The following RNF126 variants were observed in gnomAD, a reference collection of about 807,000 sequenced individuals.
RNF126 encodes the protein E3 ubiquitin-protein ligase RNF126.
A neutral mutation model predicts 41.9 loss-of-function variants in RNF126; 20 were observed. The observed-to-expected ratio is 0.48, with a 90% CI of 0.34 to 0.69. The LOEUF is 0.69. RNF126 is among the 30% of genes least tolerant of loss of function. The pLI, the probability that RNF126 is intolerant of heterozygous loss-of-function variation, is 0.01. For missense variants in RNF126, 433 were observed against 460.6 expected (o/e 0.94, Z 0.55); for synonymous variants, 239 against 202.9 (o/e 1.18, Z -1.51).
intron 7 of RNF126, 110 bp downstream of exon 7, chr19:648,772 C>G (rs1168438276): frequency 5.4e-6 from 4 of 743,678 alleles, no homozygotes; most frequent in South Asian, 1.9e-5. Context: ...AGTTCGAGAC[C>G]TGCCTGACCA....
chr19:650,557 A>G (rs2144758091), intron 4 of RNF126: 2 of 321,112 alleles, frequency 6.2e-6, no homozygotes, highest in East Asian at 5.0e-5. Flanking sequence ...AGCTGGGACC[A>G]CAGAAGAGGT....
rs768972107 is a variant in RNF126 at position 648,900 on chromosome 19, C to T, written c.652G>A (p.Val218Ile). The change falls in exon 7 of 9, where the codon GTC (valine) becomes ATC (isoleucine). Residue 218 changes from valine (V) to isoleucine (I), a missense_variant. This residue lies in a region of RNF126 where 97 missense variants were observed against 121.7 expected (regional missense o/e 0.80). Transcript: ENST00000292363. ...CTCATACCTACGTGCTCCTCAGTGA[C>T]GGGGACGGTGGGGAGGGCCTGGATT... Reference protein sequence around the residue: ...EKIQALPTVPVTEEHVGSGLE... With the variant: ...EKIQALPTVPITEEHVGSGLE... 56 of 1,427,756 alleles carry T rather than the reference C, an allele frequency of 3.9e-5. No homozygotes were observed. Among genetic ancestry groups the T allele is most frequent in the Non-Finnish European group, 4.4e-5 (48 of 1,089,008 alleles). The allele number at this position is 1,427,756 out of a possible 1,614,324, so 88.4% of individuals were successfully genotyped here. A position where few individuals can be genotyped will look rare whatever the true frequency, so the allele number is the denominator to read the frequency against.
rs1050247769 is a variant in RNF126 at position 647,560 on chromosome 19, C to T, written c.*568G>A. 5.9e-6 allele frequency: 1 copy of T among 169,420 alleles called. No homozygotes were observed. The highest frequency in any genetic ancestry group is 2.4e-5 in the African/African-American group (1 of 41,512). The allele number at this position is 169,420 out of a possible 1,614,324, so 10.5% of individuals were successfully genotyped here. On this transcript the variant is annotated 3_prime_UTR_variant, in exon 9 of 9. Transcript: ENST00000292363. Reference sequence around the variant, plus strand: ...TAAGTAGTGTATTTTAAATAGCTTTCAAGATACACATATTTTTTCCTTTAA... The same window carrying T: ...TAAGTAGTGTATTTTAAATAGCTTTTAAGATACACATATTTTTTCCTTTAA...
At chr19:656,402 C>G (rs1455678545) in intron 1 of RNF126, among the ~76,000 whole-genome samples, 1 of 152,004 alleles carries the variant, frequency 6.6e-6, no homozygotes, top group East Asian at 1.9e-4. Flanking sequence ...ACCTGTAATC[C>G]TAGCACTTTG....
chr19:659,597 C>T lies in RNF126; in HGVS notation c.75+3450G>A, dbSNP rs1271786207. On this transcript the variant is annotated intron_variant, in intron 1 of 8. Transcript: ENST00000292363. This position sits in a 1 kb window ranked among gnomAD's most constrained non-coding sequence, Gnocchi z 4.9. ...GTGCCCTCAGCAGCTCTCGCCCACA[C>T]CCTACAGTCACAGCTCCAGTCAGTG... is the stretch of plus-strand genomic sequence containing the variant. 1.3e-5 allele frequency among the ~76,000 whole-genome samples: 2 copies of T among 152,152 alleles called. No individual in the cohort carries two copies. Among genetic ancestry groups the T allele is most frequent in the Non-Finnish European group, 2.9e-5 (2 of 68,018 alleles).
Position 659,454 on chromosome 19 carries a change from T to C in RNF126, c.75+3593A>G, listed in dbSNP as rs1243756554. ...TGCGGAGGTTGCAGGCGTTCGGGGG[T>C]GGGGGGTCGGCAGGCAGAGCTGGAA... On this transcript the variant is annotated intron_variant, in intron 1 of 8. Transcript: ENST00000292363. The surrounding 1 kb of genome is among the most constrained non-coding windows in gnomAD (Gnocchi z 4.9). Among the ~76,000 whole-genome samples, 3 of 151,678 alleles carry C rather than the reference T, an allele frequency of 2.0e-5. No homozygotes were observed. The highest frequency in any genetic ancestry group is 4.4e-5 in the Non-Finnish European group (3 of 67,878).
intron 1 of RNF126, among the ~76,000 whole-genome samples, chr19:661,707 G>A (rs1006866564): frequency 6.6e-6 from 1 of 152,160 alleles, no homozygotes; most frequent in African/African-American, 2.4e-5. Flanking sequence ...CTCTACTCCC[G>A]GGGAACTGCA....
chr19:650,353 C>T, intron 4 of RNF126, 57 bp from the exon 5 acceptor site: 1 of 1,480,850 alleles, frequency 6.8e-7, no homozygotes, highest in Non-Finnish European at 9.2e-7. Flanking sequence ...GGAGAGGCGC[C>T]AGGCCTGCCA....
intron 1 of RNF126, among the ~76,000 whole-genome samples, chr19:655,835 G>A (rs2030540892): frequency 1.3e-5 from 2 of 152,092 alleles, no homozygotes; most frequent in South Asian, 2.1e-4. Flanking sequence ...GCACCTCAGA[G>A]CACGACTCAA....
chr19:658,175 C>T lies in RNF126; in HGVS notation c.75+4872G>A, dbSNP rs575589466. On this transcript the variant is annotated intron_variant, in intron 1 of 8. Transcript: ENST00000292363. ...GGCCAGGCAGCCAGGGTAGGGGGGA[C>T]CCTGCCAGTGCCGGGCTCCACCCAT... Among the ~76,000 whole-genome samples the T allele has an allele frequency of 1.4e-4, 22 of 152,264 alleles. 1 individual carries two copies. In the South Asian group the frequency reaches 4.6e-3, roughly 32 times the overall value.
At position 651,941 on chromosome 19, in the gene RNF126, G is replaced by A. The variant is rs897952813; in HGVS notation, c.199-86C>T. 5.4e-6 allele frequency: 7 copies of A among 1,289,858 alleles called. No homozygotes were observed. In the African/African-American group the frequency reaches 1.0e-4, roughly 19 times the overall value. 79.9% of individuals were successfully genotyped at this position (1,289,858 alleles called of 1,614,324 possible). A position where few individuals can be genotyped will look rare whatever the true frequency, so the allele number is the denominator to read the frequency against. On this transcript the variant is annotated intron_variant, in intron 3 of 8. Coordinates refer to ENST00000292363, the MANE Select transcript of RNF126 (RefSeq NM_194460.3). ...CTAGGGCACAAAGACAAAGGAGAAA[G>A]CAAGACGGGCCCTGCTGGGTGCCGG...
intron 1 of RNF126, among the ~76,000 whole-genome samples, chr19:653,189 G>A (rs554487683): frequency 2.4e-4 from 37 of 151,578 alleles, no homozygotes; most frequent in Non-Finnish European, 3.5e-4. Flanking sequence ...CCACCGTGAC[G>A]GGCGTCACCA....
At chr19:652,391 A>C in intron 2 of RNF126, 95 bp from the exon 3 acceptor site, 1 of 1,153,086 alleles carries the variant, frequency 8.7e-7, no homozygotes, top group Non-Finnish European at 1.2e-6. Context: ...GGAGAGCAGG[A>C]ATTGTCCTTG....
chr19:656,815 C>A (rs184220578), intron 1 of RNF126, among the ~76,000 whole-genome samples: 10 of 152,182 alleles, frequency 6.6e-5, no homozygotes, highest in Admixed American at 5.9e-4. Flanking sequence ...GGACGCCCCA[C>A]GTAAACACGC....
At chr19:658,240 C>G (rs1048213799) in intron 1 of RNF126, among the ~76,000 whole-genome samples, 3 of 152,134 alleles carry the variant, frequency 2.0e-5, no homozygotes, top group African/African-American at 7.2e-5. Context: ...CGGGTGGGAC[C>G]TGGCAGGGCA....
intron 1 of RNF126, among the ~76,000 whole-genome samples, chr19:660,434 G>A (rs1280144635): frequency 6.6e-6 from 1 of 152,232 alleles, no homozygotes; most frequent in Non-Finnish European, 1.5e-5. Context: ...GTCAGAGGCA[G>A]GCAGGAGCTT....
chr19:662,909 C>G (rs1466088353), intron 1 of RNF126, 138 bp downstream of exon 1: 1 of 340,498 alleles, frequency 2.9e-6, no homozygotes, highest in Non-Finnish European at 5.1e-6. Context: ...CCTGGGCCGG[C>G]GCTGCCCCGA....
At chr19:650,388 G>T in intron 4 of RNF126, 92 bp from the exon 5 acceptor site, 2 of 1,086,454 alleles carry the variant, frequency 1.8e-6, no homozygotes, top group Non-Finnish European at 2.7e-6. Flanking sequence ...ACCAAGGGCA[G>T]GGCCAGCATC....
chr19:662,293 AAACACTGCCCTAAACGAGC>A (rs2030838458), intron 1 of RNF126, among the ~76,000 whole-genome samples: 1 of 152,216 alleles, frequency 6.6e-6, no homozygotes, highest in Admixed American at 6.5e-5. Context: ...TCCGCGTGGG[AAACACTGCCCTAAACGAGC>A]AGGAAGTAGC....
Sources: allele counts gnomAD v4.1 joint callset (sites outside exome capture counted in the v4.1 genomes callset), GRCh38; gene constraint gnomAD v4.1.1; regional missense constraint gnomAD v4.1.1; non-coding constraint Gnocchi (gnomAD v3.1); transcripts MANE v1.5; gene names NCBI Gene and HGNC (gene_info 2026-07-23, HGNC 2026-07-21).